The following RAPGEF5 variants were observed in gnomAD, a reference collection of about 807,000 sequenced individuals.
The protein encoded by RAPGEF5 is Rap guanine nucleotide exchange factor 5.
In RAPGEF5, 65 loss-of-function variants were observed where a neutral mutation model predicts 125.2. That is an observed-to-expected ratio of 0.52 (90% confidence interval 0.43 to 0.64). RAPGEF5 has a LOEUF of 0.64. Among genes scored for constraint, RAPGEF5 ranks in the 30% least tolerant of loss-of-function variants. The pLI is 0.00. For missense variants in RAPGEF5, 958 were observed against 1,048.1 expected, an observed-to-expected ratio of 0.91 and a Z score of 1.19; for synonymous variants, 391 against 385.9, an observed-to-expected ratio of 1.01 and a Z score of -0.16.
intron 13 of RAPGEF5, among the ~76,000 whole-genome samples, chr7:22,161,353 CA>C (rs1783989813): frequency 6.6e-6 from 1 of 152,080 alleles, no homozygotes; most frequent in African/African-American, 2.4e-5. Flanking sequence ...GCCTGGGCAA[CA>C]AAGCAAGACT....
At chr7:22,148,214 C>T (rs1783506549) in intron 18 of RAPGEF5, among the ~76,000 whole-genome samples, 2 of 152,322 alleles carry the variant, frequency 1.3e-5, no homozygotes, top group South Asian at 4.1e-4. Context: ...TGCTGACTTT[C>T]TAAGAAAGAC....
At chr7:22,325,317 C>A (rs1014867862) in intron 1 of RAPGEF5, among the ~76,000 whole-genome samples, 1 of 152,140 alleles carries the variant, frequency 6.6e-6, no homozygotes, top group Non-Finnish European at 1.5e-5. Context: ...AGGAGCTAAC[C>A]GCTGACTAGC....
chr7:22,129,161 T>C (rs1782838522), intron 24 of RAPGEF5, among the ~76,000 whole-genome samples: 1 of 152,116 alleles, frequency 6.6e-6, no homozygotes, highest in African/African-American at 2.4e-5. Flanking sequence ...TGTTCAGGTT[T>C]TTTTTTTATT....
chr7:22,214,323 T>G (rs1412423274), intron 9 of RAPGEF5, among the ~76,000 whole-genome samples: 1 of 151,802 alleles, frequency 6.6e-6, no homozygotes, highest in Non-Finnish European at 1.5e-5. Flanking sequence ...GAAAATGGGG[T>G]GGGGCAAGGG....
At position 22,320,068 on chromosome 7, in the gene RAPGEF5, C is replaced by A. The variant is rs555727833; in HGVS notation, c.232-2031G>T. 2.0e-5 allele frequency among the ~76,000 whole-genome samples: 3 copies of A among 152,122 alleles called. No individual in the cohort carries two copies. In the South Asian group the frequency reaches 6.2e-4, roughly 32 times the overall value. On this transcript the variant is annotated intron_variant, in intron 1 of 25. Transcript: ENST00000665637. The stretch of plus-strand genomic sequence containing the variant: ...TTCTTCTATACTGAATAGATAGCAG[C>A]GTTAGATAAGCTACTGGCCCCAGGA...
At chr7:22,318,137 T>TGAA (rs1783640840) in intron 1 of RAPGEF5, 100 bp from the exon 2 acceptor site, 2 of 1,068,796 alleles carry the variant, frequency 1.9e-6, no homozygotes, top group Admixed American at 3.9e-5. Context: ...GCCTCTGCTA[T>TGAA]GAAAAAAAAA....
chr7:22,292,197 G>T (rs575000072), intron 5 of RAPGEF5, among the ~76,000 whole-genome samples: 3 of 152,170 alleles, frequency 2.0e-5, no homozygotes, highest in Non-Finnish European at 4.4e-5. Flanking sequence ...CAGCTGCAAC[G>T]CCAGCCTTAT....
intron 7 of RAPGEF5, among the ~76,000 whole-genome samples, chr7:22,260,511 C>T (rs1258329581): frequency 7.5e-6 from 1 of 132,860 alleles, no homozygotes; most frequent in Non-Finnish European, 1.6e-5. Flanking sequence ...AACCATCACA[C>T]AATGCAGAAA....
At chr7:22,154,829 G>C (rs1783754595) in intron 16 of RAPGEF5, among the ~76,000 whole-genome samples, 3 of 152,162 alleles carry the variant, frequency 2.0e-5, no homozygotes, top group Non-Finnish European at 4.4e-5. Context: ...ATGTTGTAAA[G>C]CCAGCCAACA....
At chr7:22,233,154 T>A (rs1035194116) in intron 7 of RAPGEF5, among the ~76,000 whole-genome samples, 1 of 152,046 alleles carries the variant, frequency 6.6e-6, no homozygotes. Flanking sequence ...CATCCTAAAT[T>A]CCACTTAAAA....
At chr7:22,152,544 G>T (rs1345528897) in intron 17 of RAPGEF5, among the ~76,000 whole-genome samples, 4 of 152,064 alleles carry the variant, frequency 2.6e-5, no homozygotes, top group African/African-American at 9.7e-5. Flanking sequence ...GTAGTTTATT[G>T]TTACTACATA....
At chr7:22,247,230 A>G (rs1786500858) in intron 7 of RAPGEF5, among the ~76,000 whole-genome samples, 1 of 152,240 alleles carries the variant, frequency 6.6e-6, no homozygotes, top group Admixed American at 6.5e-5. Context: ...ATTACTGGGT[A>G]TATTTCCAAA....
intron 6 of RAPGEF5, among the ~76,000 whole-genome samples, chr7:22,274,467 G>C (rs1782510880): frequency 1.3e-5 from 2 of 151,776 alleles, no homozygotes; most frequent in African/African-American, 4.8e-5. Flanking sequence ...GTACCTGAGA[G>C]GACAGGCACA....
chr7:22,213,395 G>A (rs931543344), intron 9 of RAPGEF5, among the ~76,000 whole-genome samples: 1 of 152,198 alleles, frequency 6.6e-6, no homozygotes. Context: ...GTGTTTGCCA[G>A]ATTTTACTTC....
At chr7:22,200,555 C>T (rs996376848) in intron 9 of RAPGEF5, among the ~76,000 whole-genome samples, 112 of 152,096 alleles carry the variant, frequency 7.4e-4, no homozygotes, top group African/African-American at 2.4e-3. Context: ...CTAATGAAAG[C>T]CCAAACAAGA....
chr7:22,299,057 AT>A (rs965974536), intron 5 of RAPGEF5, among the ~76,000 whole-genome samples: 26 of 112,998 alleles, frequency 2.3e-4, no homozygotes, highest in East Asian at 9.8e-4. Flanking sequence ...TAGTTTCATT[AT>A]TTTTTTTTCT....
intron 9 of RAPGEF5, among the ~76,000 whole-genome samples, chr7:22,215,823 T>C (rs1583488808): frequency 6.6e-6 from 1 of 152,202 alleles, no homozygotes; most frequent in African/African-American, 2.4e-5. Context: ...AAGAAAAGTT[T>C]GTGTAGTCCC....
chr7:22,275,155 T>C (rs574950834), intron 6 of RAPGEF5, among the ~76,000 whole-genome samples: 1 of 152,324 alleles, frequency 6.6e-6, no homozygotes, highest in Non-Finnish European at 1.5e-5. Context: ...TTAGGTACCA[T>C]CTTCTCCTGA....
At chr7:22,227,068 A>G (rs1298908253) in intron 8 of RAPGEF5, among the ~76,000 whole-genome samples, 1 of 151,770 alleles carries the variant, frequency 6.6e-6, no homozygotes, top group African/African-American at 2.4e-5. Flanking sequence ...TTGAAAAAGT[A>G]AGGGGTTCAT....
Sources: allele counts gnomAD v4.1 joint callset (sites outside exome capture counted in the v4.1 genomes callset), GRCh38; gene constraint gnomAD v4.1.1; transcripts MANE v1.5; gene names NCBI Gene and HGNC (gene_info 2026-07-23, HGNC 2026-07-21).